Variants in PTPRD observed in about 807,000 individuals in gnomAD.
PTPRD encodes the protein protein tyrosine phosphatase receptor type D.
A neutral mutation model predicts 214.5 loss-of-function variants in PTPRD; 34 were observed. The observed-to-expected ratio is 0.16, with a 90% CI of 0.12 to 0.21. The LOEUF (loss-of-function observed/expected upper bound fraction) is 0.21. Ranked by LOEUF, PTPRD falls within the 10% of genes least tolerant of loss-of-function variation. PTPRD has a pLI of 1.00. For synonymous variants in PTPRD, 1,128 were observed against 845.7 expected, an observed-to-expected ratio of 1.33 and a Z score of -5.79; for missense variants, 2,545 against 2,398.7, an observed-to-expected ratio of 1.06 and a Z score of -1.27.
intron 10 of PTPRD, among the ~76,000 whole-genome samples, chr9:9,169,788 C>T (rs779183212): frequency 7.2e-5 from 11 of 152,146 alleles, no homozygotes; most frequent in Non-Finnish European, 1.6e-4. Flanking sequence ...GGACTCAGAG[C>T]ATAGGTGTGC....
At chr9:10,460,710 C>A (rs1194087812) in intron 2 of PTPRD, among the ~76,000 whole-genome samples, 1 of 152,008 alleles carries the variant, frequency 6.6e-6, no homozygotes, top group Non-Finnish European at 1.5e-5. Flanking sequence ...AAATGGAATC[C>A]TTCTCTTACA....
intron 11 of PTPRD, among the ~76,000 whole-genome samples, chr9:8,841,434 T>C (rs577964745): frequency 6.6e-6 from 1 of 152,314 alleles, no homozygotes; most frequent in South Asian, 2.1e-4. Context: ...AAGCTTTATT[T>C]TTTTTAATTA....
At chr9:9,606,506 A>T (rs1182568093) in intron 7 of PTPRD, among the ~76,000 whole-genome samples, 5 of 152,126 alleles carry the variant, frequency 3.3e-5, no homozygotes, top group African/African-American at 4.8e-5. Context: ...CATGGCTTGT[A>T]TGGCGATCTC....
intron 8 of PTPRD, among the ~76,000 whole-genome samples, chr9:9,449,965 T>C (rs759694862): frequency 3.3e-5 from 5 of 151,998 alleles, no homozygotes; most frequent in Non-Finnish European, 5.9e-5. Flanking sequence ...CTCCCACTTA[T>C]AAGTGAGAAT....
chr9:9,479,066 T>A (rs1162721833), intron 8 of PTPRD, among the ~76,000 whole-genome samples: 1 of 152,136 alleles, frequency 6.6e-6, no homozygotes, highest in Non-Finnish European at 1.5e-5. Context: ...TGTTTTTCCT[T>A]ATGTTTTTTT....
At chr9:9,354,003 G>A (rs142460803) in intron 9 of PTPRD, among the ~76,000 whole-genome samples, 1 of 151,704 alleles carries the variant, frequency 6.6e-6, no homozygotes, top group Non-Finnish European at 1.5e-5. Flanking sequence ...CTCGATTTTG[G>A]CTAGGGGTCA....
At chr9:9,073,677 C>T (rs2099747058) in intron 10 of PTPRD, among the ~76,000 whole-genome samples, 1 of 152,140 alleles carries the variant, frequency 6.6e-6, no homozygotes, top group Non-Finnish European at 1.5e-5. Context: ...AGCCTGTCGG[C>T]TTGCCCTATT....
At chr9:8,845,157 A>T (rs1257075814) in intron 11 of PTPRD, among the ~76,000 whole-genome samples, 2 of 142,792 alleles carry the variant, frequency 1.4e-5, no homozygotes, top group Non-Finnish European at 3.0e-5. Flanking sequence ...GGTCTCTAAA[A>T]TCCTTGCAGG....
intron 8 of PTPRD, among the ~76,000 whole-genome samples, chr9:9,521,345 G>C (rs1027266972): frequency 6.6e-6 from 1 of 152,054 alleles, no homozygotes; most frequent in Admixed American, 6.6e-5. Context: ...CTGCTACTTA[G>C]TAAACACTTA....
Position 8,931,868 on chromosome 9 carries a change from C to T in PTPRD, c.-104+86829G>A, listed in dbSNP as rs1327069848. The stretch of plus-strand genomic sequence containing the variant: ...CTTGTTATTGGCTTATTCAGGGATT[C>T]GACTTCTTCTTGGTTTAGCCTTGAG... On this transcript the variant is annotated intron_variant, in intron 11 of 45. Transcript: ENST00000381196. 3.9e-5 allele frequency among the ~76,000 whole-genome samples: 6 copies of T among 151,966 alleles called. No homozygotes were observed. The East Asian group carries it at 9.7e-4, about 25-fold the overall frequency.
At chr9:9,926,066 G>T (rs1395977673) in intron 5 of PTPRD, among the ~76,000 whole-genome samples, 1 of 151,994 alleles carries the variant, frequency 6.6e-6, no homozygotes, top group Non-Finnish European at 1.5e-5. Flanking sequence ...CCAGGCTCAA[G>T]CGATCCTCCT....
intron 2 of PTPRD, among the ~76,000 whole-genome samples, chr9:10,433,768 A>T (rs2050957437): frequency 6.6e-6 from 1 of 151,932 alleles, no homozygotes; most frequent in Non-Finnish European, 1.5e-5. Flanking sequence ...TAACATAAAT[A>T]TTTCTATTAA....
At chr9:9,372,737 G>C (rs113464234) in intron 9 of PTPRD, among the ~76,000 whole-genome samples, 1 of 151,950 alleles carries the variant, frequency 6.6e-6, no homozygotes, top group South Asian at 2.1e-4. Flanking sequence ...GCATGTTTTC[G>C]CAGTGGCTGG....
At chr9:9,898,785 G>A (rs2153802265) in intron 5 of PTPRD, among the ~76,000 whole-genome samples, 1 of 152,174 alleles carries the variant, frequency 6.6e-6, no homozygotes, top group South Asian at 2.1e-4. Flanking sequence ...TTGGTCCTCT[G>A]ACCTCCTTTA....
chr9:9,062,545 C>G (rs1342663324), intron 10 of PTPRD, among the ~76,000 whole-genome samples: 1 of 139,086 alleles, frequency 7.2e-6, no homozygotes, highest in Non-Finnish European at 1.5e-5. Context: ...ATCTCTGCAT[C>G]TCTCCATATA....
chr9:9,140,262 T>G (rs941334460), intron 10 of PTPRD, among the ~76,000 whole-genome samples: 1 of 152,040 alleles, frequency 6.6e-6, no homozygotes, highest in African/African-American at 2.4e-5. Flanking sequence ...CAAGACTAAA[T>G]GCAGTGTTTT....
intron 9 of PTPRD, among the ~76,000 whole-genome samples, chr9:9,355,611 T>C (rs1288395938): frequency 6.6e-6 from 1 of 151,502 alleles, no homozygotes; most frequent in Non-Finnish European, 1.5e-5. Flanking sequence ...TTTCTAGATA[T>C]TCAAGTGGAT....
intron 12 of PTPRD, among the ~76,000 whole-genome samples, chr9:8,663,961 G>T (rs555035514): frequency 6.6e-6 from 1 of 150,590 alleles, no homozygotes; most frequent in Non-Finnish European, 1.5e-5. Context: ...TGTTTCCCAA[G>T]ACGATCTCTG....
chr9:9,914,069 C>T (rs1414059522), intron 5 of PTPRD, among the ~76,000 whole-genome samples: 2 of 152,188 alleles, frequency 1.3e-5, no homozygotes, highest in African/African-American at 4.8e-5. Context: ...ACACTTCTAG[C>T]CAGATAAATA....
Sources: gnomAD v4.1 joint callset for allele counts (sites outside exome capture counted in the v4.1 genomes callset) on GRCh38, gnomAD v4.1.1 for gene constraint, MANE v1.5 for transcripts, NCBI Gene and HGNC (gene_info 2026-07-23, HGNC 2026-07-21) for gene names.